Variants in NEURL3 observed in about 807,000 individuals in gnomAD.
The protein encoded by NEURL3 is E3 ubiquitin-protein ligase NEURL3.
In NEURL3, 19 loss-of-function variants were observed where a neutral mutation model predicts 17.6. The observed-to-expected ratio is 1.08, with a 90% CI of 0.75 to 1.58. The LOEUF is 1.58. Among genes scored for constraint, NEURL3 ranks in the 40% most tolerant of loss-of-function variants. The pLI, the probability that NEURL3 is intolerant of heterozygous loss-of-function variation, is 0.00. For synonymous variants in NEURL3, 180 were observed against 161.4 expected (o/e 1.11, Z -0.87); for missense variants, 342 against 379.6 (o/e 0.90, Z 0.82).
In NEURL3 at chr2:96,500,539, G is replaced by A. The variant is rs1306032294; in HGVS notation, c.414C>T (p.Asn138=). The A allele has an allele frequency of 3.8e-6, 6 of 1,572,074 alleles. No individual in the cohort carries two copies. Among genetic ancestry groups the A allele is most frequent in the East Asian group, 2.3e-5 (1 of 43,142 alleles). The part of the protein sequence containing the change: ...DRRGCLFAKV[N]AGCRLLLREG... ...CACGCAGCAGGAGCCGGCAGCCGGC[G>A]TTGACCTTGGCGAAGAGGCAGCCGC... Residue 138 remains asparagine (N), a synonymous_variant, in exon 2 of 4, where the codon AAC becomes AAT. Coordinates refer to ENST00000451794, the MANE Select transcript of NEURL3 (RefSeq NM_001285485.2).
intron 1 of NEURL3, 137 bp downstream of exon 1, chr2:96,505,122 G>GGCAGAACT: frequency 1.1e-6 from 1 of 950,772 alleles, no homozygotes; most frequent in Non-Finnish European, 1.6e-6. Context: ...AGCTCAACTT[G>GGCAGAACT]GCAGAACTGG....
At chr2:96,507,030 T>C (rs966810874), upstream of NEURL3, among the ~76,000 whole-genome samples, 1 of 152,186 alleles carries the variant, frequency 6.6e-6, no homozygotes, top group Admixed American at 6.5e-5. Flanking sequence ...CCCCAAAATA[T>C]GGCACTTTGG....
At chr2:96,501,576 T>A (rs550973493) in intron 1 of NEURL3, among the ~76,000 whole-genome samples, 2 of 152,226 alleles carry the variant, frequency 1.3e-5, no homozygotes, top group African/African-American at 4.8e-5. Flanking sequence ...AGAGTATGGG[T>A]GCAGGCTGGA....
At chr2:96,503,089 G>A (rs1478456732) in intron 1 of NEURL3, among the ~76,000 whole-genome samples, 1 of 152,192 alleles carries the variant, frequency 6.6e-6, no homozygotes, top group Non-Finnish European at 1.5e-5. Context: ...ATGCAGGACT[G>A]GCTCTGGGGG....
At position 96,500,808 on chromosome 2, in the gene NEURL3, C is replaced by T. The variant is rs1302206410; in HGVS notation, c.145G>A (p.Val49Met). The T allele has an allele frequency of 1.3e-6, 2 of 1,526,906 alleles. No individual in the cohort carries two copies. Among genetic ancestry groups the T allele is most frequent in the South Asian group, 1.2e-5 (1 of 83,612 alleles). The allele number at this position is 1,526,906 out of a possible 1,614,324, so 94.6% of individuals were successfully genotyped here. Residue 49 changes from valine (V) to methionine (M), a missense_variant, in exon 2 of 4, where the codon GTG (valine) becomes ATG (methionine). Val to Met is a conservative substitution (Grantham distance 21). Transcript: ENST00000451794. ...AGGCGCACCGGCCGCTGGCTGAACA[C>T]GATGCCGTCGTGGAACGTGGTGCGC... ...HRRTTFHDGI[V>M]FSQRPVRLGE...
chr2:96,498,566 G>T lies in NEURL3; in HGVS notation c.587-120C>A. ...GCTATATTTTGAAGAATGTTACCTA[G>T]TGAGGAAATGCTTACAGTGTAATCA... On this transcript the variant is annotated intron_variant, in intron 3 of 3. Transcript: ENST00000451794. This position sits in a 1 kb window ranked among gnomAD's most constrained non-coding sequence, Gnocchi z 4.4. 2.2e-6 allele frequency: 2 copies of T among 921,380 alleles called. No individual in the cohort carries two copies. The highest frequency in any genetic ancestry group is 3.2e-6 in the Non-Finnish European group (2 of 628,582). 57.1% of individuals were successfully genotyped at this position (921,380 alleles called of 1,614,324 possible). A position where few individuals can be genotyped will look rare whatever the true frequency, so the allele number is the denominator to read the frequency against.
At chr2:96,502,314 C>T (rs544397763) in intron 1 of NEURL3, among the ~76,000 whole-genome samples, 1 of 152,186 alleles carries the variant, frequency 6.6e-6, no homozygotes, top group African/African-American at 2.4e-5. Context: ...CATGGAGAGC[C>T]GGAGCCATGC....
In NEURL3 at chr2:96,498,931, C is replaced by A. The variant is rs556726268; in HGVS notation, c.586+447G>T. 6.6e-6 allele frequency among the ~76,000 whole-genome samples: 1 copy of A among 152,160 alleles called. No individual in the cohort carries two copies. The highest frequency in any genetic ancestry group is 1.5e-5 in the Non-Finnish European group (1 of 68,036). On this transcript the variant is annotated intron_variant, in intron 3 of 3. Coordinates refer to ENST00000451794, the MANE Select transcript of NEURL3 (RefSeq NM_001285485.2). The surrounding 1 kb of genome is among the most constrained non-coding windows in gnomAD (Gnocchi z 4.4). ...TAGCTGGGGCCACAGACATGCACCA[C>A]CACACTCAGCTAATTTTTGTACTTT...
At position 96,498,275 on chromosome 2, in the gene NEURL3, G is replaced by A; in HGVS notation, c.758C>T (p.Pro253Leu). Residue 253 changes from proline to leucine, a missense_variant, in exon 4 of 4, where the codon CCT becomes CTT. Physicochemically the swap from Pro to Leu is moderately conservative, Grantham distance 98 (BLOSUM62 -3). Transcript: ENST00000451794. This position sits in a 1 kb window ranked among gnomAD's most constrained non-coding sequence, Gnocchi z 4.4. ...QIEAVAPAQG[P>L]PALRVEEGS is the part of the protein sequence containing the mutation. ...GCCTTCCTCAACCCTCAGAGCAGGA[G>A]GGCCCTGCGCAGGGGCTACCGCCTC... The A allele has an allele frequency of 1.3e-6, 2 of 1,579,722 alleles. No homozygotes were observed. Among genetic ancestry groups the A allele is most frequent in the Non-Finnish European group, 1.7e-6 (2 of 1,170,624 alleles).
intron 1 of NEURL3, 68 bp from the exon 2 acceptor site, chr2:96,500,992 C>T (rs773702088): frequency 7.0e-7 from 1 of 1,426,136 alleles, no homozygotes; most frequent in Non-Finnish European, 9.1e-7. Context: ...CAGAGAGCCC[C>T]CAGTATCCCA....
At chr2:96,505,662 G>A (rs927405883), upstream of NEURL3, among the ~76,000 whole-genome samples, 4 of 152,174 alleles carry the variant, frequency 2.6e-5, no homozygotes, top group Admixed American at 6.5e-5. Context: ...CAAAGACTCC[G>A]GTTCCACTGG....
At chr2:96,502,282 G>A (rs2065516406) in intron 1 of NEURL3, among the ~76,000 whole-genome samples, 1 of 152,192 alleles carries the variant, frequency 6.6e-6, no homozygotes, top group Non-Finnish European at 1.5e-5. Context: ...CCTAGGCAAG[G>A]AGAAGTCCCA....
chr2:96,507,173 C>T (rs1041071008), upstream of NEURL3, among the ~76,000 whole-genome samples: 9 of 152,226 alleles, frequency 5.9e-5, no homozygotes, highest in Admixed American at 4.6e-4. Context: ...AGAATCTGAA[C>T]AGGCTGGCCG....
At chr2:96,507,616 ATGATG>A, upstream of NEURL3, among the ~76,000 whole-genome samples, 1 of 152,092 alleles carries the variant, frequency 6.6e-6, no homozygotes, top group East Asian at 1.9e-4. Context: ...GGCGCTCTCC[ATGATG>A]CCCAGTTAAT....
At chr2:96,500,358 C>G (rs1440535509) in intron 2 of NEURL3, 81 bp downstream of exon 2, 17 of 1,561,448 alleles carry the variant, frequency 1.1e-5, no homozygotes, top group Non-Finnish European at 1.5e-5. Context: ...AACGTTCTTC[C>G]TGTGGCTCTG....
chr2:96,507,591 A>C (rs1158908795), upstream of NEURL3, among the ~76,000 whole-genome samples: 2 of 152,090 alleles, frequency 1.3e-5, no homozygotes, highest in African/African-American at 4.8e-5. Flanking sequence ...CAGCCTCCCA[A>C]GTAGCTGGGA....
chr2:96,501,017 T>G lies in NEURL3; in HGVS notation c.29-93A>C, dbSNP rs982325081. On this transcript the variant is annotated intron_variant, in intron 1 of 3. Transcript: ENST00000451794. ...CCAGTATCCCAGAGTCCCTCACACCTGGGAGCACCTTGACCTTCCCCTAGG... is the reference window on the plus strand; with the variant it reads ...CCAGTATCCCAGAGTCCCTCACACCGGGGAGCACCTTGACCTTCCCCTAGG... The G allele has an allele frequency of 1.0e-4, 144 of 1,388,246 alleles. 2 individuals are homozygous for G. Among genetic ancestry groups the G allele is most frequent in the Admixed American group, 2.9e-4 (9 of 30,924 alleles). 86.0% of individuals were successfully genotyped at this position (1,388,246 alleles called of 1,614,324 possible). A position where few individuals can be genotyped will look rare whatever the true frequency, so the allele number is the denominator to read the frequency against.
At position 96,500,596 on chromosome 2, in the gene NEURL3, A is replaced by G. The variant is rs769100477; in HGVS notation, c.357T>C (p.Thr119=). Reference sequence around the variant, plus strand: ...CCACCCAGAAGCGGACCAAGTCCCCAGTGAGCGCGCAGCCCTCAGGCAGCA... The same window carrying G: ...CCACCCAGAAGCGGACCAAGTCCCCGGTGAGCGCGCAGCCCTCAGGCAGCA... The part of the protein sequence containing the change: ...AAVLPEGCAL[T]GDLVRFWVDR... Residue 119 remains threonine, a synonymous_variant, in exon 2 of 4, where the codon ACT becomes ACC. Transcript: ENST00000451794. The G allele has an allele frequency of 6.2e-5, 95 of 1,529,620 alleles. No homozygotes were observed. The highest frequency in any genetic ancestry group is 2.4e-4 in the Admixed American group (12 of 49,562). 94.8% of individuals were successfully genotyped at this position (1,529,620 alleles called of 1,614,324 possible).
chr2:96,499,197 G>C, intron 3 of NEURL3, 181 bp downstream of exon 3: 1 of 1,405,574 alleles, frequency 7.1e-7, no homozygotes, highest in South Asian at 1.6e-5. Flanking sequence ...CACAGAGTAG[G>C]CAAATGCTCT....
Sources: allele counts gnomAD v4.1 joint callset (sites outside exome capture counted in the v4.1 genomes callset), GRCh38; gene constraint gnomAD v4.1.1; non-coding constraint Gnocchi (gnomAD v3.1); transcripts MANE v1.5; gene names NCBI Gene and HGNC (gene_info 2026-07-23, HGNC 2026-07-21).